ADCK1: variants seen among roughly 807,000 people sequenced by gnomAD.
ADCK1 encodes aarF domain containing kinase 1, also known as aarF domain-containing protein kinase 1.
ADCK1 carries 41 observed loss-of-function variants against 52.3 expected under a neutral mutation model. The observed-to-expected ratio is 0.78, with a 90% CI of 0.61 to 1.02. The LOEUF (loss-of-function observed/expected upper bound fraction) is 1.02, where lower values mean the gene tolerates loss of function less well. Ranked by LOEUF, ADCK1 falls within the 50% of genes least tolerant of loss-of-function variation. The probability of loss-of-function intolerance (pLI) is 0.00; values close to 1 mark genes in which losing one functional copy is unlikely to be tolerated. For missense variants in ADCK1, 658 were observed against 679.5 expected, an observed-to-expected ratio of 0.97 and a Z score of 0.35; for synonymous variants, 250 against 274.6, an observed-to-expected ratio of 0.91 and a Z score of 0.89.
intron 3 of ADCK1, among the ~76,000 whole-genome samples, chr14:77,849,008 T>G (rs1470725954): frequency 6.6e-6 from 1 of 152,074 alleles, no homozygotes; most frequent in East Asian, 1.9e-4. Context: ...TTTTGTATTT[T>G]TAGTAGAGAC....
intron 3 of ADCK1, among the ~76,000 whole-genome samples, chr14:77,836,777 T>C (rs1382568693): frequency 4.8e-5 from 7 of 146,242 alleles, no homozygotes; most frequent in South Asian, 2.2e-4. Context: ...TTCTTTCTTT[T>C]TTTTTTTTTT....
intron 7 of ADCK1, chr14:77,914,455 C>T (rs539421276): frequency 1.0e-6 from 1 of 985,316 alleles, no homozygotes; most frequent in African/African-American, 1.7e-5. Context: ...GAAAAGGTCT[C>T]ACATTTGCTT....
At chr14:77,874,298 G>C (rs2082850469) in intron 4 of ADCK1, among the ~76,000 whole-genome samples, 2 of 152,206 alleles carry the variant, frequency 1.3e-5, no homozygotes, top group African/African-American at 4.8e-5. Flanking sequence ...CACAAGAAGA[G>C]AGAAAGTTAT....
At chr14:77,806,856 A>T (rs1336274846) in intron 1 of ADCK1, among the ~76,000 whole-genome samples, 1 of 152,054 alleles carries the variant, frequency 6.6e-6, no homozygotes, top group African/African-American at 2.4e-5. Context: ...CTGGGACTAC[A>T]GGTGCATGCC....
intron 4 of ADCK1, among the ~76,000 whole-genome samples, chr14:77,867,471 A>G (rs1223155809): frequency 1.3e-5 from 2 of 152,182 alleles, no homozygotes; most frequent in African/African-American, 2.4e-5. Context: ...GAATAAAAAA[A>G]CCCATTTCCC....
At chr14:77,917,996 C>T (rs565256469) in intron 7 of ADCK1, among the ~76,000 whole-genome samples, 6 of 152,244 alleles carry the variant, frequency 3.9e-5, no homozygotes, top group South Asian at 4.2e-4. Flanking sequence ...ACCAAGTGAC[C>T]GAACTTTCTA....
chr14:77,823,043 T>C (rs2081615212), intron 3 of ADCK1, among the ~76,000 whole-genome samples: 1 of 152,232 alleles, frequency 6.6e-6, no homozygotes, highest in African/African-American at 2.4e-5. Flanking sequence ...TCCTATCCTC[T>C]GAGGCCTACT....
chr14:77,924,880 T>C (rs1595098034), intron 8 of ADCK1, among the ~76,000 whole-genome samples: 1 of 152,206 alleles, frequency 6.6e-6, no homozygotes, highest in East Asian at 1.9e-4. Flanking sequence ...TACTTTCCCA[T>C]GGAGCCCCAG....
intron 3 of ADCK1, among the ~76,000 whole-genome samples, chr14:77,826,773 G>C (rs916380773): frequency 1.3e-5 from 2 of 152,132 alleles, no homozygotes; most frequent in East Asian, 3.9e-4. Flanking sequence ...CTTTCCTCTG[G>C]GGAGCCGCTG....
At chr14:77,933,186 T>C in intron 10 of ADCK1, 34 bp from the exon 11 acceptor site, 2 of 1,604,268 alleles carry the variant, frequency 1.2e-6, no homozygotes, top group Non-Finnish European at 1.7e-6. Flanking sequence ...TGCCTCTTTA[T>C]CTCTTTTCTC....
chr14:77,918,867 A>C (rs1481184472), intron 7 of ADCK1, among the ~76,000 whole-genome samples: 1 of 152,210 alleles, frequency 6.6e-6, no homozygotes, highest in African/African-American at 2.4e-5. Context: ...TAGAGATGCA[A>C]ATAATTTCTG....
At chr14:77,908,044 T>G in intron 7 of ADCK1, 125 bp downstream of exon 7, 1 of 720,502 alleles carries the variant, frequency 1.4e-6, no homozygotes, top group Non-Finnish European at 2.4e-6. Flanking sequence ...TAGGGCCCAT[T>G]GTCTGGAGAA....
intron 9 of ADCK1, 33 bp from the exon 10 acceptor site, chr14:77,931,485 C>A: frequency 3.1e-6 from 5 of 1,600,472 alleles, no homozygotes; most frequent in Non-Finnish European, 4.3e-6. Context: ...CCCATACCAA[C>A]CATCTGTTTC....
At chr14:77,914,625 T>A (rs984192741) in intron 7 of ADCK1, 4 of 978,282 alleles carry the variant, frequency 4.1e-6, no homozygotes, top group Non-Finnish European at 4.9e-6. Context: ...TTAGGGCCCC[T>A]GAGATTGTGT....
At chr14:77,875,928 TC>T (rs1197363343) in intron 4 of ADCK1, among the ~76,000 whole-genome samples, 1 of 152,154 alleles carries the variant, frequency 6.6e-6, no homozygotes, top group Non-Finnish European at 1.5e-5. Context: ...GTTCCCCTCA[TC>T]TCATTCCCCA....
At chr14:77,911,523 C>T (rs1251022628) in intron 7 of ADCK1, among the ~76,000 whole-genome samples, 1 of 152,194 alleles carries the variant, frequency 6.6e-6, no homozygotes, top group Non-Finnish European at 1.5e-5. Context: ...CTCTGGCTTA[C>T]ATCAAGGATC....
rs760497070 is a variant in ADCK1, at chr14:77,933,200, T to C, written c.1401-20T>C. 2.5e-6 allele frequency: 4 copies of C among 1,609,096 alleles called. No individual in the cohort carries two copies. Among genetic ancestry groups the C allele is most frequent in the African/African-American group, 1.3e-5 (1 of 74,732 alleles). On this transcript the variant is annotated intron_variant, in intron 10 of 10. Transcript: ENST00000238561. ...TTGCCTCTTTATCTCTTTTCTCCTTTTTTCTTTCCCTTTTTCCAGGCACAA... is the reference window on the plus strand; with the variant it reads ...TTGCCTCTTTATCTCTTTTCTCCTTCTTTCTTTCCCTTTTTCCAGGCACAA...
chr14:77,832,323 A>G (rs919756157), intron 3 of ADCK1, among the ~76,000 whole-genome samples: 1 of 152,154 alleles, frequency 6.6e-6, no homozygotes, highest in Non-Finnish European at 1.5e-5. Context: ...TGTGTAGCAC[A>G]TCATGAACTT....
intron 10 of ADCK1, 28 bp downstream of exon 10, chr14:77,931,739 C>T: frequency 6.3e-7 from 1 of 1,589,390 alleles, no homozygotes; most frequent in South Asian, 1.1e-5. Context: ...CCTCTCCTCC[C>T]CTCCTAGCCC....
Sources: gnomAD v4.1 joint callset for allele counts (sites outside exome capture counted in the v4.1 genomes callset) on GRCh38, gnomAD v4.1.1 for gene constraint, MANE v1.5 for transcripts, NCBI Gene and HGNC (gene_info 2026-07-23, HGNC 2026-07-21) for gene names.